FHOD3: variants seen among roughly 807,000 people sequenced by gnomAD.
FHOD3 encodes FH1/FH2 domain-containing protein 3.
A neutral mutation model predicts 173.0 loss-of-function variants in FHOD3; 90 were observed. The ratio of observed to expected loss-of-function variants is 0.52; its 90% confidence interval spans 0.44 to 0.62. The LOEUF is 0.62. Among genes scored for constraint, FHOD3 ranks in the 20% least tolerant of loss-of-function variants. The probability of loss-of-function intolerance (pLI) is 0.00; values close to 1 mark genes in which losing one functional copy is unlikely to be tolerated. For synonymous variants in FHOD3, 828 were observed against 823.0 expected (o/e 1.01, Z -0.10); for missense variants, 1,945 against 2,034.7 (o/e 0.96, Z 0.85).
intron 5 of FHOD3, among the ~76,000 whole-genome samples, chr18:36,561,291 T>G (rs2058074230): frequency 6.6e-6 from 1 of 152,168 alleles, no homozygotes; most frequent in South Asian, 2.1e-4. Flanking sequence ...GAATAGCTAT[T>G]AAATAAATGG....
chr18:36,629,549 G>A (rs1418214624), intron 10 of FHOD3, among the ~76,000 whole-genome samples: 3 of 152,206 alleles, frequency 2.0e-5, no homozygotes, highest in East Asian at 3.8e-4. Flanking sequence ...AGAGTATGTG[G>A]CATATGAGAG....
intron 19 of FHOD3, among the ~76,000 whole-genome samples, chr18:36,725,517 G>C (rs538628399): frequency 6.6e-6 from 1 of 152,144 alleles, no homozygotes; most frequent in East Asian, 1.9e-4. Flanking sequence ...ACCTGTGCAG[G>C]GTTCAGCATC....
intron 5 of FHOD3, among the ~76,000 whole-genome samples, chr18:36,532,152 G>A (rs2056809491): frequency 6.6e-6 from 1 of 152,190 alleles, no homozygotes; most frequent in Non-Finnish European, 1.5e-5. Flanking sequence ...ACCTCTTAAT[G>A]TTTATTCTCC....
intron 9 of FHOD3, among the ~76,000 whole-genome samples, chr18:36,617,610 T>TGTGTGTGTGTGC (rs34321745): frequency 0.56 from 81,707 of 145,752 alleles, 23,836 homozygotes; most frequent in South Asian, 0.69. Flanking sequence ...TGTGTGTGTG[T>TGTGTGTGTGTGC]GTGTGTGTGC....
intron 1 of FHOD3, among the ~76,000 whole-genome samples, chr18:36,322,369 T>C (rs762192585): frequency 2.0e-5 from 3 of 152,122 alleles, no homozygotes; most frequent in Non-Finnish European, 4.4e-5. Flanking sequence ...AGGAACATTC[T>C]TGGGGATCTC....
At chr18:36,349,521 A>C (rs2046020107) in intron 1 of FHOD3, among the ~76,000 whole-genome samples, 2 of 152,142 alleles carry the variant, frequency 1.3e-5, no homozygotes, top group East Asian at 3.9e-4. Context: ...ACTATAACCA[A>C]AATTAGTTTA....
intron 14 of FHOD3, among the ~76,000 whole-genome samples, chr18:36,675,407 C>T (rs1200407931): frequency 6.6e-6 from 1 of 151,920 alleles, no homozygotes; most frequent in African/African-American, 2.4e-5. Flanking sequence ...ACACTTTGGT[C>T]TCATACAGGG....
intron 5 of FHOD3, among the ~76,000 whole-genome samples, chr18:36,559,084 C>T (rs983949676): frequency 1.3e-5 from 2 of 152,218 alleles, no homozygotes; most frequent in African/African-American, 4.8e-5. Flanking sequence ...TATCTTCTCT[C>T]TCCTGACGTT....
chr18:36,499,259 A>G (rs946954817), intron 3 of FHOD3, among the ~76,000 whole-genome samples: 2 of 152,070 alleles, frequency 1.3e-5, no homozygotes, highest in African/African-American at 4.8e-5. Context: ...ATGTGCCACC[A>G]TGCCTGGCAA....
Position 36,780,179 on chromosome 18 carries a change from A to C in FHOD3, c.*649A>C. ...CACCCTCGCTTGGAACGGCCTTCAG[A>C]TCCTTTGGGCTGTATTTTGTTAATA... is the stretch of plus-strand genomic sequence containing the variant. On this transcript the variant is annotated 3_prime_UTR_variant, in exon 29 of 29. Transcript: ENST00000590592. The C allele has an allele frequency of 8.1e-7, 1 of 1,231,802 alleles. No individual in the cohort carries two copies. The highest frequency in any genetic ancestry group is 3.2e-5 in the East Asian group (1 of 31,714). 76.3% of individuals were successfully genotyped at this position (1,231,802 alleles called of 1,614,324 possible).
At chr18:36,640,941 G>A (rs1227577379) in intron 10 of FHOD3, among the ~76,000 whole-genome samples, 1 of 152,192 alleles carries the variant, frequency 6.6e-6, no homozygotes, top group Admixed American at 6.5e-5. Context: ...TGGCCTGGAT[G>A]TTAGGAGATC....
Position 36,668,367 on chromosome 18 carries a change from G to A in FHOD3, c.1835+10179G>A, listed in dbSNP as rs149303346. On this transcript the variant is annotated intron_variant, in intron 14 of 28. Coordinates refer to ENST00000590592, the MANE Select transcript of FHOD3 (RefSeq NM_001281740.3). ...AGTATCTGTAAAATCTGCAGTGATC[G>A]TATTTCTCATTCTTAATATTGGTAA... is the stretch of plus-strand genomic sequence containing the variant. Among the ~76,000 whole-genome samples, 64 of 151,802 alleles carry A rather than the reference G, an allele frequency of 4.2e-4. 2 individuals are homozygous for A. Among genetic ancestry groups the A allele is most frequent in the East Asian group, 1.7e-3 (9 of 5,164 alleles).
rs190014209 is a variant in FHOD3 at position 36,725,271 on chromosome 18, C to T, written c.3418-5375C>T. 4.8e-4 allele frequency among the ~76,000 whole-genome samples: 73 copies of T among 152,300 alleles called. 1 individual carries two copies. Among genetic ancestry groups the T allele is most frequent in the Admixed American group, 1.8e-3 (27 of 15,294 alleles). On this transcript the variant is annotated intron_variant, in intron 19 of 28. Transcript: ENST00000590592. ...ACAAAAAACCCAATGTCCTGTTGCT[C>T]CAGAGCTGACCATGGGTGTTGGGGG...
intron 3 of FHOD3, among the ~76,000 whole-genome samples, chr18:36,423,515 G>A (rs949923925): frequency 6.6e-5 from 10 of 152,212 alleles, no homozygotes; most frequent in African/African-American, 2.4e-4. Context: ...GGATGCTGCG[G>A]AGGGGGTCTG....
At chr18:36,773,658 G>A (rs1370051461) in intron 28 of FHOD3, among the ~76,000 whole-genome samples, 1 of 152,288 alleles carries the variant, frequency 6.6e-6, no homozygotes, top group South Asian at 2.1e-4. Context: ...CTTCCAGGCT[G>A]TGTCTCACTG....
At chr18:36,494,263 G>A (rs1007977138) in intron 3 of FHOD3, among the ~76,000 whole-genome samples, 1 of 152,194 alleles carries the variant, frequency 6.6e-6, no homozygotes, top group African/African-American at 2.4e-5. Context: ...GTCCCCAGGG[G>A]TCTCCAATGC....
chr18:36,506,268 CTT>C (rs2055292958), intron 4 of FHOD3, among the ~76,000 whole-genome samples: 1 of 152,138 alleles, frequency 6.6e-6, no homozygotes, highest in Non-Finnish European at 1.5e-5. Flanking sequence ...GTTAAAAACA[CTT>C]TTTTGAACAG....
At position 36,693,440 on chromosome 18, in the gene FHOD3, T is replaced by A. The variant is rs1469377878; in HGVS notation, c.2236+17T>A. 1 of 1,606,458 alleles carries A rather than the reference T, an allele frequency of 6.2e-7. No homozygotes were observed. The highest frequency in any genetic ancestry group is 1.3e-5 in the African/African-American group (1 of 74,474). On this transcript the variant is annotated intron_variant, in intron 17 of 28. Coordinates refer to ENST00000590592, the MANE Select transcript of FHOD3 (RefSeq NM_001281740.3). Reference sequence around the variant, plus strand: ...ATCCCCAAGGTGAGTACAGGGAGAGTAGAGGGAAAATGAACAGGTTAACAT... The same window carrying A: ...ATCCCCAAGGTGAGTACAGGGAGAGAAGAGGGAAAATGAACAGGTTAACAT...
intron 3 of FHOD3, among the ~76,000 whole-genome samples, chr18:36,459,285 A>C (rs1021474484): frequency 3.9e-5 from 6 of 152,246 alleles, no homozygotes; most frequent in African/African-American, 1.4e-4. Context: ...TAAGGCAACT[A>C]TGACAAAGGG....
Sources: gnomAD v4.1 joint callset for allele counts (sites outside exome capture counted in the v4.1 genomes callset) on GRCh38, gnomAD v4.1.1 for gene constraint, MANE v1.5 for transcripts, NCBI Gene and HGNC (gene_info 2026-07-23, HGNC 2026-07-21) for gene names.